SNRNP35: variants seen among roughly 807,000 people sequenced by gnomAD.
SNRNP35 encodes small nuclear ribonucleoprotein U11/U12 subunit 35.
Under a neutral mutation model 24.3 loss-of-function variants are expected in SNRNP35, and 16 were observed. The ratio of observed to expected loss-of-function variants is 0.66; its 90% CI spans 0.45 to 1.00. The LOEUF (loss-of-function observed/expected upper bound fraction) is 1.00. SNRNP35 is among the 50% of genes least tolerant of loss of function. The pLI, the probability that SNRNP35 is intolerant of heterozygous loss-of-function variation, is 0.00. For missense variants in SNRNP35, 292 were observed against 327.2 expected (o/e 0.89, Z 0.83); for synonymous variants, 106 against 124.8 (o/e 0.85, Z 1.00).
chr12:123,466,033 C>G lies in SNRNP35; in HGVS notation c.493C>G (p.Pro165Ala). The change falls in exon 2 of 2, where the codon CCT becomes GCT. Residue 165 changes from proline (P) to alanine (A), a missense_variant. Physicochemically the swap from Pro to Ala is conservative, Grantham distance 27 (BLOSUM62 -1). Transcript: ENST00000526639. Reference sequence around the variant, plus strand: ...GGGACGGGACCGGCCTTTTCGAAAACCTATTAACTTGCCAGTTGTTAAAAA... The same window carrying G: ...GGGACGGGACCGGCCTTTTCGAAAAGCTATTAACTTGCCAGTTGTTAAAAA... ...FGGRDRPFRK[P>A]INLPVVKNDL... The G allele has an allele frequency of 6.2e-7, 1 of 1,614,012 alleles. No individual in the cohort carries two copies. The highest frequency in any genetic ancestry group is 8.5e-7 in the Non-Finnish European group (1 of 1,180,020).
At chr12:123,460,982 T>A (rs7315742) in intron 1 of SNRNP35, among the ~76,000 whole-genome samples, 57,725 of 124,546 alleles carry the variant, frequency 0.46, 13,966 homozygotes, top group East Asian at 0.94. Flanking sequence ...TTTTTTTTTT[T>A]AAAAACAGAG....
downstream of SNRNP35, among the ~76,000 whole-genome samples, chr12:123,468,177 G>A (rs1881041483): frequency 6.6e-6 from 1 of 151,156 alleles, no homozygotes; most frequent in African/African-American, 2.4e-5. Context: ...TGGCCAACAT[G>A]GTAAAGCCCC....
rs1880376403 is a variant in SNRNP35 at position 123,458,147 on chromosome 12, C to T, written c.-73C>T. Reference sequence around the variant, plus strand: ...AATGTAAAGGTCAGGCCGAGGCCGGCGCGGAGAATCTGCTGTCGCCTGCAG... The same window carrying T: ...AATGTAAAGGTCAGGCCGAGGCCGGTGCGGAGAATCTGCTGTCGCCTGCAG... On this transcript the variant is annotated 5_prime_UTR_variant, in exon 1 of 2. Transcript: ENST00000526639. 1 of 985,278 alleles carries T rather than the reference C, an allele frequency of 1.0e-6. No homozygotes were observed. The highest frequency in any genetic ancestry group is 1.2e-6 in the Non-Finnish European group (1 of 829,960). The allele number at this position is 985,278 out of a possible 1,614,324, so 61.0% of individuals were successfully genotyped here.
Position 123,465,754 on chromosome 12 carries a change from T to C in SNRNP35, c.214T>C (p.Ser72Pro). Reference protein sequence around the residue: ...TKEDKLKEVFSRYGDIRRLRL... With the variant: ...TKEDKLKEVFPRYGDIRRLRL... ...GGAGGACAAATTAAAGGAAGTCTTT[T>C]CCCGCTATGGTGACATCCGGCGGCT... The change falls in exon 2 of 2, where the codon TCC becomes CCC. Residue 72 changes from serine to proline, a missense_variant. By Grantham distance (74) the Ser-to-Pro change is moderately conservative. Transcript: ENST00000526639. This position sits in a 1 kb window ranked among gnomAD's most constrained non-coding sequence, Gnocchi z 4.2. The C allele has an allele frequency of 1.9e-6, 3 of 1,613,986 alleles. No individual in the cohort carries two copies. Among genetic ancestry groups the C allele is most frequent in the Non-Finnish European group, 2.5e-6 (3 of 1,179,944 alleles).
chr12:123,459,249 C>A (rs1880465450), intron 1 of SNRNP35: 1 of 152,346 alleles, frequency 6.6e-6, no homozygotes, highest in African/African-American at 2.4e-5. Context: ...CAAAAATTTT[C>A]TAAATTTGTA....
intron 1 of SNRNP35, among the ~76,000 whole-genome samples, chr12:123,458,592 C>CT (rs555202754): frequency 0.31 from 41,608 of 133,520 alleles, 7,766 homozygotes; most frequent in African/African-American, 0.54. Context: ...GGGGCAAAGT[C>CT]TTTTTTTTTT....
chr12:123,458,943 T>A (rs1175764297), intron 1 of SNRNP35: 1 of 151,472 alleles, frequency 6.6e-6, no homozygotes, highest in Admixed American at 6.6e-5. Context: ...AGGCTTCATT[T>A]ATTTTTTTGT....
chr12:123,465,403 C>T lies in SNRNP35; in HGVS notation c.-3-135C>T, dbSNP rs983010633. 1.8e-6 allele frequency: 2 copies of T among 1,083,380 alleles called. No individual in the cohort carries two copies. Among genetic ancestry groups the T allele is most frequent in the Middle Eastern group, 3.1e-4 (1 of 3,188 alleles). The allele number at this position is 1,083,380 out of a possible 1,614,324, so 67.1% of individuals were successfully genotyped here. A position where few individuals can be genotyped will look rare whatever the true frequency, so the allele number is the denominator to read the frequency against. ...CACTTACTAGCAGGGAGGACTTAGC[C>T]TCTGTGGGTGTTCCCTTCCTTTCCT... On this transcript the variant is annotated intron_variant, in intron 1 of 1. Coordinates refer to ENST00000526639, the MANE Select transcript of SNRNP35 (RefSeq NM_022717.4). This position sits in a 1 kb window ranked among gnomAD's most constrained non-coding sequence, Gnocchi z 4.2.
Position 123,465,946 on chromosome 12 carries a change from A to T in SNRNP35, c.406A>T (p.Ile136Phe). The T allele has an allele frequency of 1.2e-6, 2 of 1,613,918 alleles. No individual in the cohort carries two copies. Among genetic ancestry groups the T allele is most frequent in the South Asian group, 2.2e-5 (2 of 91,068 alleles). Residue 136 changes from isoleucine (I) to phenylalanine (F), a missense_variant, in exon 2 of 2, where the codon ATC becomes TTC. By Grantham distance (21) the Ile-to-Phe change is conservative. Coordinates refer to ENST00000526639, the MANE Select transcript of SNRNP35 (RefSeq NM_022717.4). The surrounding 1 kb of genome is among the most constrained non-coding windows in gnomAD (Gnocchi z 4.2). ...GCTGGAAAGGACTCTCAAAGGGTGG[A>T]TCCCTCGGCGACTTGGAGGCGGTCT... Reference protein sequence around the residue: ...YELERTLKGWIPRRLGGGLGG... With the variant: ...YELERTLKGWFPRRLGGGLGG...
downstream of SNRNP35, among the ~76,000 whole-genome samples, chr12:123,469,119 C>A (rs143703552): frequency 2.0e-5 from 3 of 151,812 alleles, no homozygotes; most frequent in African/African-American, 7.3e-5. Context: ...CAAATGTCCC[C>A]TGGGGGGCTC....
intron 1 of SNRNP35, chr12:123,459,035 A>T (rs1880452507): frequency 6.6e-6 from 1 of 152,042 alleles, no homozygotes; most frequent in Non-Finnish European, 1.5e-5. Context: ...ATTTCGGGTC[A>T]AGCAGTCCTC....
downstream of SNRNP35, among the ~76,000 whole-genome samples, chr12:123,469,185 C>T (rs944751761): frequency 1.3e-5 from 2 of 151,958 alleles, no homozygotes; most frequent in South Asian, 2.1e-4. Flanking sequence ...GACAGAGTCT[C>T]GCTCTGTCGC....
intron 1 of SNRNP35, among the ~76,000 whole-genome samples, chr12:123,461,329 T>C (rs1306075272): frequency 6.7e-6 from 1 of 149,230 alleles, no homozygotes; most frequent in Non-Finnish European, 1.5e-5. Flanking sequence ...GGTTTCACTG[T>C]GTTAGCCAGG....
chr12:123,458,543 G>A (rs1369842311), intron 1 of SNRNP35, among the ~76,000 whole-genome samples: 1 of 151,978 alleles, frequency 6.6e-6, no homozygotes, highest in African/African-American at 2.4e-5. Context: ...GCCCTGGAGG[G>A]CTCTGTGGGT....
chr12:123,459,866 C>G lies in SNRNP35; in HGVS notation c.-4+1650C>G, dbSNP rs1276567501. 1.9e-6 allele frequency: 3 copies of G among 1,595,858 alleles called. No homozygotes were observed. The African/African-American group carries it at 4.0e-5, about 21-fold the overall frequency. On this transcript the variant is annotated intron_variant, in intron 1 of 1. Coordinates refer to ENST00000526639, the MANE Select transcript of SNRNP35 (RefSeq NM_022717.4). ...CTAATGCTGCCGGGGAGGAAGTGCA[C>G]CTAGAAAGATTAATGAGAAACAATG...
Position 123,466,017 on chromosome 12 carries a change from C to G in SNRNP35, c.477C>G (p.Asp159Glu), listed in dbSNP as rs139674982. ...ESGQLRFGGR[D>E]RPFRKPINLP... is the part of the protein sequence containing the mutation. ...GGCAACTGAGATTTGGGGGACGGGA[C>G]CGGCCTTTTCGAAAACCTATTAACT... Residue 159 changes from aspartate (D) to glutamate (E), a missense_variant, in exon 2 of 2, where the codon GAC becomes GAG. By Grantham distance (45) the Asp-to-Glu change is conservative (BLOSUM62 2). Coordinates refer to ENST00000526639, the MANE Select transcript of SNRNP35 (RefSeq NM_022717.4). 6.2e-7 allele frequency: 1 copy of G among 1,614,066 alleles called. No homozygotes were observed. The highest frequency in any genetic ancestry group is 1.3e-5 in the African/African-American group (1 of 75,008).
In SNRNP35 at chr12:123,458,160, C is replaced by T. The variant is rs760108435; in HGVS notation, c.-60C>T. 2.8e-5 allele frequency: 28 copies of T among 985,330 alleles called. No homozygotes were observed. Among genetic ancestry groups the T allele is most frequent in the Non-Finnish European group, 3.4e-5 (28 of 829,978 alleles). 61.0% of individuals were successfully genotyped at this position (985,330 alleles called of 1,614,324 possible). ...GGCCGAGGCCGGCGCGGAGAATCTG[C>T]TGTCGCCTGCAGCTGCTCGCCTGTC... is the stretch of plus-strand genomic sequence containing the variant. On this transcript the variant is annotated 5_prime_UTR_variant, in exon 1 of 2. Transcript: ENST00000526639.
At chr12:123,469,785 G>A (rs773862026), downstream of SNRNP35, among the ~76,000 whole-genome samples, 4 of 151,974 alleles carry the variant, frequency 2.6e-5, no homozygotes, top group Non-Finnish European at 5.9e-5. Context: ...TTATAGGTGT[G>A]ACCCACTGCA....
chr12:123,459,851 C>G, intron 1 of SNRNP35: 1 of 1,591,632 alleles, frequency 6.3e-7, no homozygotes, highest in Non-Finnish European at 8.6e-7. Flanking sequence ...CTAATGCTGC[C>G]GGGGAGGAAG....
Sources: gnomAD v4.1 joint callset for allele counts (sites outside exome capture counted in the v4.1 genomes callset) on GRCh38, gnomAD v4.1.1 for gene constraint, Gnocchi (gnomAD v3.1) non-coding constraint, MANE v1.5 for transcripts, NCBI Gene and HGNC (gene_info 2026-07-23, HGNC 2026-07-21) for gene names.